Variants in WWC1 observed in about 807,000 individuals in gnomAD.
WWC1 encodes the protein protein KIBRA.
WWC1 carries 55 observed loss-of-function variants against 138.4 expected under a neutral mutation model. The observed-to-expected ratio is 0.40, with a 90% CI of 0.32 to 0.50. The LOEUF (loss-of-function observed/expected upper bound fraction) is 0.50, where lower values mean the gene tolerates loss of function less well. WWC1 is among the 20% of genes least tolerant of loss of function. The pLI is 0.72. For missense variants in WWC1, 1,226 were observed against 1,420.4 expected (o/e 0.86, Z 2.20); for synonymous variants, 524 against 564.9 (o/e 0.93, Z 1.03).
In WWC1 at chr5:168,432,677, C is replaced by G. The variant is rs375195097; in HGVS notation, c.2280+1233C>G. Among the ~76,000 whole-genome samples, 8 of 152,266 alleles carry G rather than the reference C, an allele frequency of 5.3e-5. No homozygotes were observed. In the East Asian group the frequency reaches 1.5e-3, roughly 29 times the overall value. Reference sequence around the variant, plus strand: ...ACTGGGAGCTTGTTGTGTCCCCACCCCTGTGTCTGGGGCTGGGGATTCAAT... The same window carrying G: ...ACTGGGAGCTTGTTGTGTCCCCACCGCTGTGTCTGGGGCTGGGGATTCAAT... On this transcript the variant is annotated intron_variant, in intron 15 of 22. Coordinates refer to ENST00000265293, the MANE Select transcript of WWC1 (RefSeq NM_015238.3).
chr5:168,454,878 C>T (rs575061456), intron 18 of WWC1, among the ~76,000 whole-genome samples: 32 of 152,300 alleles, frequency 2.1e-4, no homozygotes, highest in African/African-American at 7.5e-4. Context: ...CTACTGTGCA[C>T]GGGCAGTAAA....
chr5:168,438,986 T>C (rs1754504330), intron 15 of WWC1, among the ~76,000 whole-genome samples: 1 of 152,138 alleles, frequency 6.6e-6, no homozygotes, highest in Non-Finnish European at 1.5e-5. Context: ...CCTCACCATC[T>C]ATCCTATATA....
intron 1 of WWC1, among the ~76,000 whole-genome samples, chr5:168,321,058 C>G (rs1005485934): frequency 6.6e-6 from 1 of 152,126 alleles, no homozygotes; most frequent in South Asian, 2.1e-4. Context: ...TACCGTAGGC[C>G]GCTGCACCCT....
intron 8 of WWC1, 43 bp downstream of exon 8, chr5:168,410,038 TAAC>T (rs1780105730): frequency 1.9e-6 from 3 of 1,583,354 alleles, no homozygotes; most frequent in Non-Finnish European, 2.6e-6. Flanking sequence ...CCAAAAATAA[TAAC>T]TACTATTGTA....
intron 5 of WWC1, 87 bp downstream of exon 5, chr5:168,399,654 C>T: frequency 8.0e-7 from 1 of 1,254,790 alleles, no homozygotes; most frequent in Non-Finnish European, 1.1e-6. Context: ...TCCTTCAGTC[C>T]CTTTCCTCCC....
chr5:168,299,617 C>G (rs891128147), intron 1 of WWC1, among the ~76,000 whole-genome samples: 1 of 152,182 alleles, frequency 6.6e-6, no homozygotes, highest in African/African-American at 2.4e-5. Context: ...CAAACTGACC[C>G]AATTTTCCAA....
intron 15 of WWC1, among the ~76,000 whole-genome samples, chr5:168,435,199 A>AT (rs1473299358): frequency 6.6e-6 from 1 of 151,964 alleles, no homozygotes; most frequent in Admixed American, 6.6e-5. Flanking sequence ...CCCCCACACC[A>AT]TATCTGGCTG....
rs1756003620 is a variant in WWC1, at chr5:168,453,363, GTCAAA to G, written c.2526-602_2526-598del. On this transcript the variant is annotated intron_variant, in intron 17 of 22. Transcript: ENST00000265293. ...TCCATTTGCATGAAACTCTAGAAAA[GTCAAA>G]TCTAATCTATAATAACAGCTAATCA... Among the ~76,000 whole-genome samples, 6 of 152,294 alleles carry G rather than the reference GTCAAA, an allele frequency of 3.9e-5. No homozygotes were observed. In the South Asian group the frequency reaches 1.2e-3, roughly 32 times the overall value.
intron 1 of WWC1, among the ~76,000 whole-genome samples, chr5:168,297,121 G>C (rs1004850797): frequency 6.6e-6 from 1 of 152,184 alleles, no homozygotes; most frequent in East Asian, 1.9e-4. Flanking sequence ...AACCATCAAG[G>C]GTAGTTATGG....
At chr5:168,296,870 C>G (rs1561576827) in intron 1 of WWC1, among the ~76,000 whole-genome samples, 3 of 152,156 alleles carry the variant, frequency 2.0e-5, no homozygotes, top group African/African-American at 7.2e-5. Context: ...GAATCAAGAC[C>G]ACTGCTCCAG....
intron 1 of WWC1, among the ~76,000 whole-genome samples, chr5:168,297,965 A>G (rs1769704552): frequency 6.6e-6 from 1 of 152,176 alleles, no homozygotes; most frequent in Admixed American, 6.6e-5. Context: ...GTGAATTCCT[A>G]TTTTTATAAT....
chr5:168,324,399 C>T (rs571886969), intron 1 of WWC1, among the ~76,000 whole-genome samples: 1 of 152,006 alleles, frequency 6.6e-6, no homozygotes, highest in African/African-American at 2.4e-5. Flanking sequence ...TGCCGCTATA[C>T]TCCAGCTTGG....
chr5:168,361,546 G>A (rs749618956), intron 1 of WWC1, among the ~76,000 whole-genome samples: 46 of 152,178 alleles, frequency 3.0e-4, no homozygotes, highest in Non-Finnish European at 5.7e-4. Flanking sequence ...CTTGGAGGCT[G>A]TTCAGATGCT....
intron 2 of WWC1, among the ~76,000 whole-genome samples, chr5:168,377,966 A>C (rs1777346093): frequency 6.6e-6 from 1 of 152,238 alleles, no homozygotes. Context: ...CCAAAAAGAC[A>C]CATGCACTCA....
At chr5:168,301,765 T>A (rs186589238) in intron 1 of WWC1, among the ~76,000 whole-genome samples, 11 of 152,286 alleles carry the variant, frequency 7.2e-5, no homozygotes, top group African/African-American at 2.6e-4. Context: ...TAGAAAGTCT[T>A]AGCGCCTATC....
chr5:168,335,351 C>T (rs898545960), intron 1 of WWC1, among the ~76,000 whole-genome samples: 4 of 152,206 alleles, frequency 2.6e-5, no homozygotes, highest in South Asian at 2.1e-4. Flanking sequence ...CCAGCCATGG[C>T]GGCTCACACC....
chr5:168,316,941 A>C (rs921927434), intron 1 of WWC1: 1 of 152,196 alleles, frequency 6.6e-6, no homozygotes, highest in Non-Finnish European at 1.5e-5. Context: ...AAAATAGTAC[A>C]TTGTTATCAT....
At chr5:168,337,392 C>G (rs531942096) in intron 1 of WWC1, among the ~76,000 whole-genome samples, 6 of 152,308 alleles carry the variant, frequency 3.9e-5, no homozygotes, top group Admixed American at 6.5e-5. Flanking sequence ...CCCCTCCCCC[C>G]AGAAACAGCT....
intron 17 of WWC1, among the ~76,000 whole-genome samples, chr5:168,453,553 T>TG (rs1439964558): frequency 2.0e-5 from 3 of 151,824 alleles, no homozygotes; most frequent in Non-Finnish European, 4.4e-5. Flanking sequence ...ACAATCTTTT[T>TG]TTTTGTTTTG....
Sources: allele counts gnomAD v4.1 joint callset (sites outside exome capture counted in the v4.1 genomes callset), GRCh38; gene constraint gnomAD v4.1.1; transcripts MANE v1.5; gene names NCBI Gene and HGNC (gene_info 2026-07-23, HGNC 2026-07-21).